SKAP1: variants seen among roughly 807,000 people sequenced by gnomAD.
The protein encoded by SKAP1 is src kinase associated phosphoprotein 1, also known as src kinase-associated phosphoprotein 1.
In SKAP1, 44 loss-of-function variants were observed where a neutral mutation model predicts 58.5. The observed-to-expected ratio is 0.75, with a 90% CI of 0.59 to 0.97. The LOEUF is 0.97. SKAP1 is among the 50% of genes least tolerant of loss of function. The pLI is 0.00. For missense variants in SKAP1, 390 were observed against 435.2 expected (o/e 0.90, Z 0.92); for synonymous variants, 127 against 149.7 (o/e 0.85, Z 1.11).
chr17:48,320,444 CA>C (rs1181270363), intron 4 of SKAP1, among the ~76,000 whole-genome samples: 5 of 152,048 alleles, frequency 3.3e-5, no homozygotes, highest in Non-Finnish European at 5.9e-5. Flanking sequence ...TCATAGTGCC[CA>C]GCACACTTAT....
rs1324079846 is a variant in SKAP1 at position 48,140,760 on chromosome 17, T to TTTC, written c.979-3426_979-3424dup. Among the ~76,000 whole-genome samples the TTTC allele has an allele frequency of 6.1e-5, 9 of 148,524 alleles. No individual in the cohort carries two copies. In the South Asian group the frequency reaches 8.6e-4, roughly 14 times the overall value. On this transcript the variant is annotated intron_variant, in intron 11 of 12. Transcript: ENST00000336915. Reference sequence around the variant, plus strand: ...CAATTTCACTTTCACCTTCTTCTTCTTTCTTCTTCTTCTTCTTCTTTTTTT... The same window carrying TTTC: ...CAATTTCACTTTCACCTTCTTCTTCTTTCTTCTTCTTCTTCTTCTTCTTTTTTT...
chr17:48,330,632 A>T (rs1418330168), intron 4 of SKAP1, among the ~76,000 whole-genome samples: 1 of 152,256 alleles, frequency 6.6e-6, no homozygotes, highest in Non-Finnish European at 1.5e-5. Context: ...GCAAATAAGA[A>T]TTGTGTCCCT....
chr17:48,280,339 G>A (rs2065750878), intron 4 of SKAP1, among the ~76,000 whole-genome samples: 1 of 151,850 alleles, frequency 6.6e-6, no homozygotes, highest in South Asian at 2.1e-4. Context: ...CTGTGGTGGT[G>A]GGCGCCTGTA....
chr17:48,134,537 C>T (rs926928775), intron 12 of SKAP1, among the ~76,000 whole-genome samples: 2 of 151,662 alleles, frequency 1.3e-5, no homozygotes, highest in Non-Finnish European at 2.9e-5. Flanking sequence ...AGGCTGGTCT[C>T]GAACTCCTGA....
intron 1 of SKAP1, among the ~76,000 whole-genome samples, chr17:48,403,450 A>AGTGT (rs151330634): frequency 6.6e-6 from 1 of 151,200 alleles, no homozygotes; most frequent in Non-Finnish European, 1.5e-5. Context: ...TATATGTATC[A>AGTGT]GTGTGTGTGT....
chr17:48,184,964 C>G, intron 6 of SKAP1, 117 bp from the exon 7 acceptor site: 1 of 981,666 alleles, frequency 1.0e-6, no homozygotes, highest in Non-Finnish European at 1.5e-6. Flanking sequence ...TGAGGAACCA[C>G]AATAGTCAAG....
chr17:48,215,115 A>T (rs1295033983), intron 4 of SKAP1, among the ~76,000 whole-genome samples: 2 of 152,058 alleles, frequency 1.3e-5, no homozygotes, highest in East Asian at 3.9e-4. Context: ...AGAAATAAAA[A>T]AATTGAACCA....
At chr17:48,313,915 G>T (rs897827559) in intron 4 of SKAP1, among the ~76,000 whole-genome samples, 19 of 151,994 alleles carry the variant, frequency 1.3e-4, no homozygotes, top group Admixed American at 2.6e-4. Context: ...CCCAAGCAAA[G>T]ACTTTAATAA....
intron 4 of SKAP1, among the ~76,000 whole-genome samples, chr17:48,225,501 T>A (rs1342373675): frequency 6.6e-6 from 1 of 152,168 alleles, no homozygotes; most frequent in Non-Finnish European, 1.5e-5. Context: ...GAGAAAAGGA[T>A]CTTATAAATA....
intron 4 of SKAP1, among the ~76,000 whole-genome samples, chr17:48,209,119 T>C (rs2064842537): frequency 6.6e-6 from 1 of 152,184 alleles, no homozygotes; most frequent in African/African-American, 2.4e-5. Flanking sequence ...AGTTAGTAAG[T>C]GGACAAGGCA....
At chr17:48,213,331 CA>C in intron 4 of SKAP1, among the ~76,000 whole-genome samples, 1 of 101,240 alleles carries the variant, frequency 9.9e-6, no homozygotes. Context: ...GCCTGGGCAA[CA>C]AGAGCAAAAC....
chr17:48,412,750 T>C (rs892557277), intron 1 of SKAP1, among the ~76,000 whole-genome samples: 4 of 152,226 alleles, frequency 2.6e-5, no homozygotes, highest in Non-Finnish European at 5.9e-5. Flanking sequence ...GTAATTATAG[T>C]TGTGCATACT....
chr17:48,217,209 T>G (rs1399500021), intron 4 of SKAP1, among the ~76,000 whole-genome samples: 1 of 152,126 alleles, frequency 6.6e-6, no homozygotes, highest in East Asian at 1.9e-4. Flanking sequence ...ATCAGTTACC[T>G]TTCTTCTAGG....
chr17:48,347,704 A>G (rs2066740837), intron 3 of SKAP1, among the ~76,000 whole-genome samples: 1 of 152,240 alleles, frequency 6.6e-6, no homozygotes, highest in Admixed American at 6.5e-5. Context: ...GTTTATAGCT[A>G]TGCTTAAAGC....
At chr17:48,205,355 C>T (rs528712253) in intron 4 of SKAP1, among the ~76,000 whole-genome samples, 12 of 152,186 alleles carry the variant, frequency 7.9e-5, no homozygotes, top group Admixed American at 2.6e-4. Context: ...AAGCAATTCA[C>T]GTGCCTCGGC....
intron 4 of SKAP1, among the ~76,000 whole-genome samples, chr17:48,327,746 C>CTT (rs2066457210): frequency 6.6e-6 from 1 of 152,196 alleles, no homozygotes; most frequent in Non-Finnish European, 1.5e-5. Context: ...CTCCCTCAGC[C>CTT]TCCCAAGTAG....
At chr17:48,159,179 T>TA (rs1202034121) in intron 11 of SKAP1, among the ~76,000 whole-genome samples, 5 of 152,206 alleles carry the variant, frequency 3.3e-5, no homozygotes, top group African/African-American at 7.2e-5. Flanking sequence ...GCTGGTAATT[T>TA]AAAAAAATTC....
At position 48,387,023 on chromosome 17, in the gene SKAP1, G is replaced by A. The variant is rs138212817; in HGVS notation, c.152+9657C>T. On this transcript the variant is annotated intron_variant, in intron 2 of 12. Transcript: ENST00000336915. The stretch of plus-strand genomic sequence containing the variant: ...TTATTCTGAATTTTAACCATTTTAG[G>A]ATCAGCAAACATATGCCTACCAACC... Among the ~76,000 whole-genome samples the A allele has an allele frequency of 3.9e-3, 600 of 152,212 alleles. 2 individuals carry two copies. Among genetic ancestry groups the A allele is most frequent in the Admixed American group, 7.0e-3 (107 of 15,288 alleles).
chr17:48,441,508 T>C, the SKAP1 span, among the ~76,000 whole-genome samples: 1 of 152,180 alleles, frequency 6.6e-6, no homozygotes, highest in African/African-American at 2.4e-5. Context: ...TTTGGTTGAA[T>C]CTACAGATAA....
Sources: allele counts gnomAD v4.1 joint callset (sites outside exome capture counted in the v4.1 genomes callset), GRCh38; gene constraint gnomAD v4.1.1; transcripts MANE v1.5; gene names NCBI Gene and HGNC (gene_info 2026-07-23, HGNC 2026-07-21).